The following KIF6 variants were observed in gnomAD, a reference collection of about 807,000 sequenced individuals.
KIF6 encodes the protein kinesin family member 6.
In KIF6, 106 loss-of-function variants were observed where a neutral mutation model predicts 112.7. The ratio of observed to expected loss-of-function variants is 0.94; its 90% confidence interval spans 0.80 to 1.11. KIF6 has a LOEUF of 1.11. Among genes scored for constraint, KIF6 ranks in the 50% least tolerant of loss-of-function variants. The probability of loss-of-function intolerance (pLI) is 0.00; values close to 1 mark genes in which losing one functional copy is unlikely to be tolerated. For missense variants in KIF6, 929 were observed against 964.0 expected, an observed-to-expected ratio of 0.96 and a Z score of 0.48; for synonymous variants, 339 against 339.9, an observed-to-expected ratio of 1.00 and a Z score of 0.03.
chr6:39,365,977 C>G (rs745848188), intron 16 of KIF6, among the ~76,000 whole-genome samples: 6 of 152,222 alleles, frequency 3.9e-5, no homozygotes, highest in Non-Finnish European at 8.8e-5. Flanking sequence ...CCCATGTGAA[C>G]GCAGAGCCCC....
chr6:39,514,773 T>TC lies in KIF6; in HGVS notation c.1645+25229_1645+25230insG, dbSNP rs202207067. 2.3e-3 allele frequency among the ~76,000 whole-genome samples: 296 copies of TC among 131,154 alleles called. 5 individuals carry two copies. In the East Asian group the frequency reaches 0.056, roughly 25 times the overall value. The allele number at this position is 131,154 out of a possible 152,430, so 86.0% of individuals were successfully genotyped here. On this transcript the variant is annotated intron_variant, in intron 13 of 22. Coordinates refer to ENST00000287152, the MANE Select transcript of KIF6 (RefSeq NM_145027.6). Reference sequence around the variant, plus strand: ...TAATCGTTCAAACTCAAGGCTTTTTTTCCCCCCCGGGGATGATTTTCTCTA... The same window carrying TC: ...TAATCGTTCAAACTCAAGGCTTTTTTCTCCCCCCCGGGGATGATTTTCTCTA...
In KIF6 at chr6:39,343,673, C is replaced by T; in HGVS notation, c.2428+36G>A. ...GCTCCCCACAAGTGTTGGTGACCTG[C>T]TGCCCAGGAGGAGCCACCGAGGGAG... is the stretch of plus-strand genomic sequence containing the variant. On this transcript the variant is annotated intron_variant, in intron 22 of 22. Coordinates refer to ENST00000287152, the MANE Select transcript of KIF6 (RefSeq NM_145027.6). The surrounding 1 kb of genome is among the most constrained non-coding windows in gnomAD (Gnocchi z 4.1). The T allele has an allele frequency of 6.7e-7, 1 of 1,498,388 alleles. No homozygotes were observed. Among genetic ancestry groups the T allele is most frequent in the African/African-American group, 1.4e-5 (1 of 72,402 alleles). The allele number at this position is 1,498,388 out of a possible 1,614,324, so 92.8% of individuals were successfully genotyped here. A position where few individuals can be genotyped will look rare whatever the true frequency, so the allele number is the denominator to read the frequency against.
chr6:39,619,238 A>T (rs2150731912), intron 5 of KIF6, among the ~76,000 whole-genome samples: 1 of 152,242 alleles, frequency 6.6e-6, no homozygotes, highest in Non-Finnish European at 1.5e-5. Flanking sequence ...ATCCACATGA[A>T]TTTCTTTTAT....
rs565300163 is a variant in KIF6, at chr6:39,411,197, C to A, written c.1810+8751G>T. Among the ~76,000 whole-genome samples, 606 of 152,266 alleles carry A rather than the reference C, an allele frequency of 4.0e-3. 7 individuals are homozygous for A. The highest frequency in any genetic ancestry group is 0.014 in the African/African-American group (570 of 41,558). ...GTGGGACTATGGTCAGCAGGGCCAGCCGGTTACAAGAGCAGACAGGCACAG... is the reference window on the plus strand; with the variant it reads ...GTGGGACTATGGTCAGCAGGGCCAGACGGTTACAAGAGCAGACAGGCACAG... On this transcript the variant is annotated intron_variant, in intron 15 of 22. Transcript: ENST00000287152.
At chr6:39,463,334 A>G (rs1243534165) in intron 13 of KIF6, among the ~76,000 whole-genome samples, 1 of 152,150 alleles carries the variant, frequency 6.6e-6, no homozygotes, top group African/African-American at 2.4e-5. Flanking sequence ...AGCCTCATCA[A>G]TCCCAACCTA....
chr6:39,401,333 A>C (rs961872045), intron 15 of KIF6, among the ~76,000 whole-genome samples: 1 of 152,144 alleles, frequency 6.6e-6, no homozygotes, highest in Non-Finnish European at 1.5e-5. Flanking sequence ...CATACCCCCT[A>C]TCTTAGTGTG....
intron 13 of KIF6, among the ~76,000 whole-genome samples, chr6:39,527,052 G>A (rs1049438064): frequency 1.3e-5 from 2 of 152,166 alleles, no homozygotes; most frequent in Admixed American, 1.3e-4. Flanking sequence ...ACCTGTTAGA[G>A]GATTGGGTAT....
chr6:39,455,530 G>A (rs867940299), intron 13 of KIF6, among the ~76,000 whole-genome samples: 2 of 152,184 alleles, frequency 1.3e-5, no homozygotes, highest in Non-Finnish European at 2.9e-5. Context: ...GAATGATTTT[G>A]ACGAGCTGAA....
intron 18 of KIF6, among the ~76,000 whole-genome samples, 161 bp downstream of exon 18, chr6:39,360,234 C>T (rs1044471866): frequency 2.0e-5 from 3 of 152,156 alleles, no homozygotes; most frequent in African/African-American, 7.2e-5. Flanking sequence ...GAACCCCTGC[C>T]CTTTTGTCAT....
rs539976978 is a variant in KIF6, at chr6:39,607,886, T to A, written c.639+5303A>T. On this transcript the variant is annotated intron_variant, in intron 6 of 22. Transcript: ENST00000287152. ...ATTTGTGAGGATGTGTTAGTCAGTA[T>A]CCCTTTAATGATTTTGGAACTAATT... 3.0e-4 allele frequency among the ~76,000 whole-genome samples: 46 copies of A among 152,302 alleles called. 1 individual carries two copies. The South Asian group carries it at 9.1e-3, about 30-fold the overall frequency.
At chr6:39,366,024 G>C (rs563435699) in intron 16 of KIF6, among the ~76,000 whole-genome samples, 1 of 152,244 alleles carries the variant, frequency 6.6e-6, no homozygotes, top group Non-Finnish European at 1.5e-5. Flanking sequence ...GCCCATGACT[G>C]GTTGTCTTTT....
chr6:39,634,345 T>C (rs552633563), intron 5 of KIF6, among the ~76,000 whole-genome samples: 14 of 152,280 alleles, frequency 9.2e-5, no homozygotes, highest in Non-Finnish European at 1.6e-4. Context: ...ATTTCAGTCA[T>C]GAAACAATCA....
At chr6:39,648,222 GC>G (rs367851998) in intron 3 of KIF6, among the ~76,000 whole-genome samples, 4,307 of 69,120 alleles carry the variant, frequency 0.062, 318 homozygotes, top group African/African-American at 0.21. Flanking sequence ...CGGGGGGCGG[GC>G]GGGGGGGGGT....
chr6:39,616,097 T>C (rs995066037), intron 5 of KIF6, among the ~76,000 whole-genome samples: 14 of 152,246 alleles, frequency 9.2e-5, no homozygotes, highest in Admixed American at 5.9e-4. Flanking sequence ...CATGCTCATT[T>C]ATTAGAAAAC....
intron 10 of KIF6, among the ~76,000 whole-genome samples, chr6:39,569,365 C>T (rs1242588803): frequency 6.6e-6 from 1 of 152,008 alleles, no homozygotes; most frequent in African/African-American, 2.4e-5. Flanking sequence ...CTGAGGATCA[C>T]GTTACAAGAC....
chr6:39,641,659 C>G (rs1784908729), intron 3 of KIF6, among the ~76,000 whole-genome samples: 1 of 151,542 alleles, frequency 6.6e-6, no homozygotes, highest in Non-Finnish European at 1.5e-5. Context: ...TAAAAAAAAG[C>G]CACTGCCAAG....
chr6:39,380,557 A>G (rs11757747), intron 16 of KIF6, among the ~76,000 whole-genome samples: 5,499 of 152,120 alleles, frequency 0.036, 175 homozygotes, highest in Non-Finnish European at 0.049. Context: ...ATGCACGCGC[A>G]CACACACACA....
At chr6:39,581,724 T>C (rs1582189607) in intron 9 of KIF6, among the ~76,000 whole-genome samples, 1 of 152,038 alleles carries the variant, frequency 6.6e-6, no homozygotes, top group South Asian at 2.1e-4. Flanking sequence ...ATGTCTTAGG[T>C]TCAGCATCCA....
chr6:39,523,121 T>A (rs151107325), intron 13 of KIF6, among the ~76,000 whole-genome samples: 41 of 152,328 alleles, frequency 2.7e-4, no homozygotes, highest in Middle Eastern at 3.4e-3. Flanking sequence ...TGGCACTGTA[T>A]CCACTCAGAA....
Sources: allele counts gnomAD v4.1 joint callset (sites outside exome capture counted in the v4.1 genomes callset), GRCh38; gene constraint gnomAD v4.1.1; non-coding constraint Gnocchi (gnomAD v3.1); transcripts MANE v1.5; gene names NCBI Gene and HGNC (gene_info 2026-07-23, HGNC 2026-07-21).